The following ACVR1 variants were observed in gnomAD, a reference collection of about 807,000 sequenced individuals.
ACVR1 encodes activin receptor type-1.
Under a neutral mutation model 57.1 loss-of-function variants are expected in ACVR1, and 38 were observed. That is an observed-to-expected ratio of 0.67 (90% CI 0.51 to 0.87). The LOEUF (loss-of-function observed/expected upper bound fraction) is 0.87, where lower values mean the gene tolerates loss of function less well. Among genes scored for constraint, ACVR1 ranks in the 40% least tolerant of loss-of-function variants. The pLI is 0.00. For missense variants in ACVR1, 463 were observed against 638.2 expected (o/e 0.73, Z 2.96); for synonymous variants, 212 against 228.1 (o/e 0.93, Z 0.63).
chr2:157,867,308 G>A (rs1689973608), intron 1 of ACVR1, among the ~76,000 whole-genome samples: 1 of 152,130 alleles, frequency 6.6e-6, no homozygotes, highest in Admixed American at 6.5e-5. Context: ...CCTGGCTTCT[G>A]GGCATCCCAC....
At chr2:157,776,245 TA>T (rs1163607503) in intron 5 of ACVR1, among the ~76,000 whole-genome samples, 2 of 152,250 alleles carry the variant, frequency 1.3e-5, no homozygotes, top group African/African-American at 4.8e-5. Context: ...CTCAAAATTC[TA>T]AAAGCCATTT....
intron 3 of ACVR1, among the ~76,000 whole-genome samples, chr2:157,798,102 TGG>T (rs1292708984): frequency 6.6e-6 from 1 of 152,206 alleles, no homozygotes; most frequent in Non-Finnish European, 1.5e-5. Flanking sequence ...GGCCAAGACA[TGG>T]CCGTTGCACT....
chr2:157,868,253 G>A (rs953702853), intron 1 of ACVR1, among the ~76,000 whole-genome samples: 1 of 152,000 alleles, frequency 6.6e-6, no homozygotes, highest in East Asian at 1.9e-4. Flanking sequence ...GGGAGGCCGA[G>A]GTGGGTGAAT....
At position 157,752,722 on chromosome 2, in the gene ACVR1, G is replaced by C. The variant is rs528133602; in HGVS notation, c.1264+8158C>G. Among the ~76,000 whole-genome samples the C allele has an allele frequency of 1.1e-4, 17 of 152,294 alleles. 1 individual carries two copies. In the South Asian group the frequency reaches 3.5e-3, roughly 32 times the overall value. Reference sequence around the variant, plus strand: ...GATTGATAAATGAAGGAAAGATTCGGTCTTTTTCAGATAAACAAATGCTAA... The same window carrying C: ...GATTGATAAATGAAGGAAAGATTCGCTCTTTTTCAGATAAACAAATGCTAA... On this transcript the variant is annotated intron_variant, in intron 9 of 10. Coordinates refer to ENST00000434821, the MANE Select transcript of ACVR1 (RefSeq NM_001111067.4).
intron 2 of ACVR1, among the ~76,000 whole-genome samples, chr2:157,799,943 CTA>C (rs1227556265): frequency 6.6e-6 from 1 of 152,148 alleles, no homozygotes; most frequent in African/African-American, 2.4e-5. Flanking sequence ...AGCCAAATTA[CTA>C]TGTTAGAGTC....
chr2:157,821,430 C>T (rs1002726337), intron 1 of ACVR1, among the ~76,000 whole-genome samples: 2 of 152,028 alleles, frequency 1.3e-5, no homozygotes, highest in African/African-American at 4.8e-5. Context: ...GAGTCTGAGG[C>T]ACGAGACTCG....
At chr2:157,841,856 T>C (rs575764415) in intron 1 of ACVR1, among the ~76,000 whole-genome samples, 10 of 151,830 alleles carry the variant, frequency 6.6e-5, no homozygotes, top group Non-Finnish European at 1.5e-4. Flanking sequence ...ACCCCATCTG[T>C]ATGAAAAATA....
chr2:157,841,105 C>G (rs1688957219), intron 1 of ACVR1, among the ~76,000 whole-genome samples: 1 of 152,222 alleles, frequency 6.6e-6, no homozygotes, highest in African/African-American at 2.4e-5. Flanking sequence ...CATGCTTACT[C>G]AATGCCCTGG....
At chr2:157,781,892 T>C (rs1686537439) in intron 3 of ACVR1, among the ~76,000 whole-genome samples, 1 of 152,224 alleles carries the variant, frequency 6.6e-6, no homozygotes, top group Non-Finnish European at 1.5e-5. Flanking sequence ...AGGCCACTTT[T>C]GCCGAAGCAC....
chr2:157,855,302 G>C (rs368581537), intron 1 of ACVR1, among the ~76,000 whole-genome samples: 1 of 65,374 alleles, frequency 1.5e-5, no homozygotes, highest in Non-Finnish European at 2.7e-5. Flanking sequence ...GTGTGTGTGT[G>C]TGTGTGTATA....
chr2:157,808,333 C>T (rs1358308583), intron 2 of ACVR1, among the ~76,000 whole-genome samples: 1 of 152,138 alleles, frequency 6.6e-6, no homozygotes, highest in Non-Finnish European at 1.5e-5. Flanking sequence ...TTAGCCTTGG[C>T]TACACTTTGG....
intron 1 of ACVR1, among the ~76,000 whole-genome samples, chr2:157,821,278 C>A (rs992060260): frequency 6.6e-6 from 1 of 152,306 alleles, no homozygotes; most frequent in East Asian, 1.9e-4. Flanking sequence ...GTAATCCCAG[C>A]ACTTTGAGAG....
At chr2:157,848,705 T>C (rs1005088847) in intron 1 of ACVR1, among the ~76,000 whole-genome samples, 4 of 152,224 alleles carry the variant, frequency 2.6e-5, no homozygotes, top group Non-Finnish European at 5.9e-5. Context: ...AAAGAGGACA[T>C]GGAAAAGAGT....
At chr2:157,798,893 TTTTA>T (rs746622675) in intron 3 of ACVR1, among the ~76,000 whole-genome samples, 1 of 151,758 alleles carries the variant, frequency 6.6e-6, no homozygotes, top group African/African-American at 2.4e-5. Flanking sequence ...TCCTTTATAT[TTTTA>T]TTTATTTATT....
chr2:157,752,087 G>A (rs1468387227), intron 9 of ACVR1, among the ~76,000 whole-genome samples: 3 of 152,136 alleles, frequency 2.0e-5, no homozygotes, highest in Non-Finnish European at 4.4e-5. Flanking sequence ...AGCAGGTGCC[G>A]GTATCCATGG....
chr2:157,739,958 G>A (rs576733483), intron 9 of ACVR1, among the ~76,000 whole-genome samples: 1 of 152,238 alleles, frequency 6.6e-6, no homozygotes, highest in Admixed American at 6.5e-5. Flanking sequence ...GTCGTGGTGG[G>A]TGGACCACTT....
intron 2 of ACVR1, among the ~76,000 whole-genome samples, chr2:157,805,507 AT>A (rs1426572834): frequency 7.2e-5 from 11 of 152,294 alleles, no homozygotes; most frequent in African/African-American, 2.6e-4. Flanking sequence ...TTTTCTTTAT[AT>A]ATCTTTAGGC....
At chr2:157,762,237 C>T (rs1254525542) in intron 8 of ACVR1, among the ~76,000 whole-genome samples, 1 of 152,284 alleles carries the variant, frequency 6.6e-6, no homozygotes. Context: ...AAGTACAGTA[C>T]AATTAAGTAT....
intron 3 of ACVR1, among the ~76,000 whole-genome samples, chr2:157,784,687 C>G (rs191974241): frequency 2.0e-5 from 3 of 152,234 alleles, no homozygotes; most frequent in Non-Finnish European, 4.4e-5. Context: ...GCTTCGGAAC[C>G]GCCAGGGAGA....
Sources: allele counts gnomAD v4.1 joint callset (sites outside exome capture counted in the v4.1 genomes callset), GRCh38; gene constraint gnomAD v4.1.1; transcripts MANE v1.5; gene names NCBI Gene and HGNC (gene_info 2026-07-23, HGNC 2026-07-21).